Variants in CCDC141 observed in about 807,000 individuals in gnomAD.
The protein encoded by CCDC141 is coiled-coil domain-containing protein 141.
CCDC141 carries 168 observed loss-of-function variants against 181.0 expected under a neutral mutation model. That is an observed-to-expected ratio of 0.93 (90% CI 0.82 to 1.05). CCDC141 has a LOEUF of 1.05. CCDC141 is among the 50% of genes least tolerant of loss of function. The pLI is 0.00. For synonymous variants in CCDC141, 666 were observed against 642.3 expected, an observed-to-expected ratio of 1.04 and a Z score of -0.56; for missense variants, 1,902 against 1,788.5, an observed-to-expected ratio of 1.06 and a Z score of -1.14.
chr2:179,040,326 G>GT (rs779537667), intron 2 of CCDC141, among the ~76,000 whole-genome samples: 14 of 152,324 alleles, frequency 9.2e-5, no homozygotes, highest in Non-Finnish European at 1.9e-4. Flanking sequence ...TCTAGAACCA[G>GT]TGTCTTCTAA....
intron 15 of CCDC141, 114 bp from the exon 16 acceptor site, chr2:178,868,319 C>CT (rs1387333169): frequency 1.8e-5 from 15 of 813,716 alleles, no homozygotes; most frequent in Admixed American, 5.0e-5. Flanking sequence ...CCAAGCCCAT[C>CT]TTTAAACTGT....
At chr2:178,930,345 T>C (rs1248069840) in intron 6 of CCDC141, among the ~76,000 whole-genome samples, 3 of 152,076 alleles carry the variant, frequency 2.0e-5, no homozygotes, top group African/African-American at 4.8e-5. Flanking sequence ...TGATCATGAA[T>C]TGGAGAACTT....
the CCDC141 span, among the ~76,000 whole-genome samples, chr2:178,817,954 C>A: frequency 3.3e-5 from 5 of 152,064 alleles, no homozygotes; most frequent in Admixed American, 3.3e-4. Flanking sequence ...AGGCATCCGC[C>A]ACCATGCCTG....
rs1201761171 is a variant in CCDC141 at position 178,975,068 on chromosome 2, T to C, written c.515A>G (p.His172Arg). 1 of 1,488,140 alleles carries C rather than the reference T, an allele frequency of 6.7e-7. No homozygotes were observed. 92.2% of individuals were successfully genotyped at this position (1,488,140 alleles called of 1,614,324 possible). Reference sequence around the variant, plus strand: ...AACATATTTCTTGCCTTTAGTATGATGTTCATGAAGCTGAAGAAGTGATTT... The same window carrying C: ...AACATATTTCTTGCCTTTAGTATGACGTTCATGAAGCTGAAGAAGTGATTT... ...SLKSLLQLHEHHTKELLERSL... is the reference protein window; with the variant it reads ...SLKSLLQLHERHTKELLERSL... Residue 172 changes from histidine (H) to arginine (R), a missense_variant, in exon 4 of 24, where the codon CAT becomes CGT. His to Arg is a conservative substitution (Grantham distance 29, BLOSUM62 0). Coordinates refer to ENST00000443758, the MANE Select transcript of CCDC141 (RefSeq NM_173648.4).
intron 7 of CCDC141, among the ~76,000 whole-genome samples, chr2:178,915,531 C>G (rs917008728): frequency 6.6e-6 from 1 of 152,174 alleles, no homozygotes; most frequent in Non-Finnish European, 1.5e-5. Flanking sequence ...GAATTTGGAA[C>G]AAGAAGTTGT....
chr2:179,003,056 G>T (rs549013708), intron 2 of CCDC141, among the ~76,000 whole-genome samples: 2 of 152,076 alleles, frequency 1.3e-5, no homozygotes, highest in African/African-American at 4.8e-5. Context: ...GATCTATTTT[G>T]CCCAGTGATT....
At chr2:179,007,825 A>G (rs1366723792) in intron 2 of CCDC141, among the ~76,000 whole-genome samples, 1 of 152,348 alleles carries the variant, frequency 6.6e-6, no homozygotes, top group South Asian at 2.1e-4. Flanking sequence ...TTGGCTTCAA[A>G]TGATTTTTCC....
intron 19 of CCDC141, among the ~76,000 whole-genome samples, chr2:178,854,074 A>G (rs1199273139): frequency 6.6e-6 from 1 of 152,266 alleles, no homozygotes; most frequent in Non-Finnish European, 1.5e-5. Flanking sequence ...CTGCTAAAGT[A>G]TTGCCTGATG....
intron 8 of CCDC141, among the ~76,000 whole-genome samples, chr2:178,901,557 A>C (rs1041232722): frequency 1.3e-4 from 20 of 152,022 alleles, no homozygotes; most frequent in East Asian, 3.9e-4. Flanking sequence ...AATTCAACAA[A>C]CCTTCATGCT....
intron 2 of CCDC141, among the ~76,000 whole-genome samples, chr2:179,043,441 C>A (rs1167081914): frequency 6.6e-6 from 1 of 152,146 alleles, no homozygotes; most frequent in Non-Finnish European, 1.5e-5. Context: ...ATGCAAAAAT[C>A]TTCAACAAAA....
intron 3 of CCDC141, among the ~76,000 whole-genome samples, chr2:178,976,346 T>G (rs1023590166): frequency 7.2e-5 from 11 of 152,212 alleles, no homozygotes; most frequent in African/African-American, 2.7e-4. Context: ...CAAACTATCA[T>G]TTTTGAATTT....
rs898558039 is a variant in CCDC141 at position 179,005,328 on chromosome 2, T to C, written c.226-26653A>G. Reference sequence around the variant, plus strand: ...TTTGGAGAATTTAAAAAAAAAGGTTTAGAAAATTATTAAACAACGTAACAC... The same window carrying C: ...TTTGGAGAATTTAAAAAAAAAGGTTCAGAAAATTATTAAACAACGTAACAC... On this transcript the variant is annotated intron_variant, in intron 2 of 23. Coordinates refer to ENST00000443758, the MANE Select transcript of CCDC141 (RefSeq NM_173648.4). Among the ~76,000 whole-genome samples, 4 of 152,220 alleles carry C rather than the reference T, an allele frequency of 2.6e-5. No homozygotes were observed. The South Asian group carries it at 8.3e-4, about 32-fold the overall frequency.
At chr2:178,864,876 A>G (rs1002185428) in intron 17 of CCDC141, among the ~76,000 whole-genome samples, 1 of 152,218 alleles carries the variant, frequency 6.6e-6, no homozygotes, top group Non-Finnish European at 1.5e-5. Flanking sequence ...TTCTTTCCCA[A>G]TGGACTTATG....
chr2:178,981,657 T>TATAC, intron 2 of CCDC141, among the ~76,000 whole-genome samples: 1 of 132,046 alleles, frequency 7.6e-6, no homozygotes, highest in African/African-American at 2.9e-5. Flanking sequence ...TATATATATA[T>TATAC]ACATACATAT....
chr2:178,837,543 G>A lies in CCDC141; in HGVS notation c.3676C>T (p.Pro1226Ser). 2 of 1,613,914 alleles carry A rather than the reference G, an allele frequency of 1.2e-6. No individual in the cohort carries two copies. Among genetic ancestry groups the A allele is most frequent in the South Asian group, 2.2e-5 (2 of 91,068 alleles). The change falls in exon 23 of 24, where the codon CCT (proline) becomes TCT (serine). Residue 1226 changes from proline (P) to serine (S), a missense_variant. By Grantham distance (74) the Pro-to-Ser change is moderately conservative (BLOSUM62 -1). Coordinates refer to ENST00000443758, the MANE Select transcript of CCDC141 (RefSeq NM_173648.4). ...LPPLPGSPES[P>S]LAPSDMEVEE... ...ACCTCCATGTCAGATGGTGCAAGAG[G>A]GGACTCAGGGCTTCCTGGGAGAGGA...
chr2:178,986,466 G>C (rs538956710), intron 2 of CCDC141, among the ~76,000 whole-genome samples: 47 of 152,300 alleles, frequency 3.1e-4, no homozygotes, highest in African/African-American at 1.1e-3. Context: ...GTTCTGGCCA[G>C]GGCAATTAGG....
chr2:179,038,557 A>G (rs2043207272), intron 2 of CCDC141, among the ~76,000 whole-genome samples: 2 of 152,170 alleles, frequency 1.3e-5, no homozygotes, highest in Non-Finnish European at 2.9e-5. Flanking sequence ...TTCTAAATGC[A>G]TTCTTAGTAA....
chr2:179,049,774 T>C (rs2043618613), intron 1 of CCDC141, 66 bp downstream of exon 1: 23 of 1,520,858 alleles, frequency 1.5e-5, no homozygotes, highest in Non-Finnish European at 2.1e-5. Context: ...TGGAATGTTC[T>C]TTAGGGTTTT....
chr2:178,997,476 C>G (rs1692340722), intron 2 of CCDC141, among the ~76,000 whole-genome samples: 2 of 152,096 alleles, frequency 1.3e-5, no homozygotes, highest in Non-Finnish European at 2.9e-5. Flanking sequence ...GCATGATACC[C>G]CAGCATGCCA....
Sources: allele counts gnomAD v4.1 joint callset (sites outside exome capture counted in the v4.1 genomes callset), GRCh38; gene constraint gnomAD v4.1.1; transcripts MANE v1.5; gene names NCBI Gene and HGNC (gene_info 2026-07-23, HGNC 2026-07-21).